Variants in GRID2 observed in about 807,000 individuals in gnomAD.
The protein encoded by GRID2 is glutamate ionotropic receptor delta type subunit 2, also known as glutamate receptor ionotropic, delta-2.
A neutral mutation model predicts 114.8 loss-of-function variants in GRID2; 33 were observed. The observed-to-expected ratio is 0.29, with a 90% confidence interval of 0.22 to 0.38. The LOEUF (loss-of-function observed/expected upper bound fraction) is 0.38. Ranked by LOEUF, GRID2 falls within the 10% of genes least tolerant of loss-of-function variation. The pLI is 1.00. For missense variants in GRID2, 1,184 were observed against 1,257.7 expected (o/e 0.94, Z 0.89); for synonymous variants, 505 against 449.9 (o/e 1.12, Z -1.55).
chr4:93,269,302 A>G (rs1022319203), intron 8 of GRID2, among the ~76,000 whole-genome samples: 1 of 152,190 alleles, frequency 6.6e-6, no homozygotes, highest in East Asian at 1.9e-4. Context: ...AGGCATTTTT[A>G]AAAAAAGTTT....
At chr4:92,524,407 C>CTTTTTTTTTTTTTTT (rs869060153) in intron 1 of GRID2, among the ~76,000 whole-genome samples, 23 of 106,550 alleles carry the variant, frequency 2.2e-4, no homozygotes, top group African/African-American at 4.7e-4. Context: ...ATTTCCTTGT[C>CTTTTTTTTTTTTTTT]TTTTTTTTTT....
chr4:92,530,286 G>A (rs1283958953), intron 1 of GRID2, among the ~76,000 whole-genome samples: 1 of 151,892 alleles, frequency 6.6e-6, no homozygotes, highest in African/African-American at 2.4e-5. Context: ...GCAGGTATCA[G>A]GCTGATATTA....
intron 2 of GRID2, among the ~76,000 whole-genome samples, chr4:93,058,811 G>C (rs1007650261): frequency 6.6e-6 from 1 of 151,116 alleles, no homozygotes; most frequent in Non-Finnish European, 1.5e-5. Flanking sequence ...TCTTTCATTT[G>C]GCTCATTCCA....
intron 2 of GRID2, among the ~76,000 whole-genome samples, chr4:92,943,942 G>T (rs377248631): frequency 6.6e-6 from 1 of 152,170 alleles, no homozygotes; most frequent in Non-Finnish European, 1.5e-5. Context: ...TGTTCCTCTG[G>T]AAGTTTTGTC....
At chr4:92,900,634 T>A (rs1319117642) in intron 2 of GRID2, among the ~76,000 whole-genome samples, 1 of 151,940 alleles carries the variant, frequency 6.6e-6, no homozygotes, top group East Asian at 1.9e-4. Flanking sequence ...ATCGAGACCA[T>A]CCTGGCTAAC....
chr4:92,904,408 T>C (rs1747804616), intron 2 of GRID2, among the ~76,000 whole-genome samples: 1 of 151,634 alleles, frequency 6.6e-6, no homozygotes, highest in Non-Finnish European at 1.5e-5. Flanking sequence ...GCACTCACAG[T>C]TATTACTGAT....
chr4:92,756,371 C>T (rs1351442156), intron 2 of GRID2, among the ~76,000 whole-genome samples: 1 of 152,098 alleles, frequency 6.6e-6, no homozygotes, highest in African/African-American at 2.4e-5. Flanking sequence ...GATTTCACAT[C>T]TTTGCTATTG....
At chr4:93,343,142 CTGTG>C (rs150132437) in intron 8 of GRID2, among the ~76,000 whole-genome samples, 1,894 of 40,162 alleles carry the variant, frequency 0.047, 33 homozygotes, top group African/African-American at 0.11. Context: ...TGTGAGGTGA[CTGTG>C]TGTGTGTGTG....
At chr4:92,900,230 G>A (rs547175394) in intron 2 of GRID2, among the ~76,000 whole-genome samples, 10 of 152,256 alleles carry the variant, frequency 6.6e-5, no homozygotes, top group Non-Finnish European at 1.5e-4. Flanking sequence ...CACATTGCAG[G>A]AAGCTAGGGG....
chr4:92,344,071 T>A (rs2110168545), intron 1 of GRID2, among the ~76,000 whole-genome samples: 1 of 152,238 alleles, frequency 6.6e-6, no homozygotes, highest in Non-Finnish European at 1.5e-5. Context: ...TATAAGAAAA[T>A]CTGCATATAA....
chr4:92,920,163 C>T (rs1322565450), intron 2 of GRID2, among the ~76,000 whole-genome samples: 2 of 152,014 alleles, frequency 1.3e-5, no homozygotes, highest in Non-Finnish European at 1.5e-5. Flanking sequence ...GAGACTAGGA[C>T]TGCAACCCTT....
chr4:93,561,617 A>G (rs755398671), intron 13 of GRID2, among the ~76,000 whole-genome samples: 1 of 152,170 alleles, frequency 6.6e-6, no homozygotes, highest in South Asian at 2.1e-4. Flanking sequence ...AATATATGAC[A>G]TGTATCCACT....
intron 8 of GRID2, among the ~76,000 whole-genome samples, chr4:93,304,375 C>G (rs1292202127): frequency 6.6e-6 from 1 of 151,334 alleles, no homozygotes; most frequent in East Asian, 1.9e-4. Flanking sequence ...AGTTAAAACA[C>G]TAGTCAAACA....
chr4:92,938,981 G>A (rs113550511), intron 2 of GRID2, among the ~76,000 whole-genome samples: 2 of 146,864 alleles, frequency 1.4e-5, no homozygotes, highest in Middle Eastern at 6.6e-3. Flanking sequence ...ACATTTGGGT[G>A]GGTTCCAAGT....
downstream of GRID2, among the ~76,000 whole-genome samples, chr4:93,778,617 T>C (rs967767282): frequency 4.6e-5 from 7 of 152,062 alleles, no homozygotes; most frequent in African/African-American, 1.7e-4. Context: ...AGGCTGGTCT[T>C]GAACCCCGGA....
chr4:92,969,175 A>G (rs972538380), intron 2 of GRID2, among the ~76,000 whole-genome samples: 7 of 151,524 alleles, frequency 4.6e-5, no homozygotes, highest in African/African-American at 1.7e-4. Flanking sequence ...AAGTCAAATT[A>G]TTTTTGAATT....
chr4:93,204,359 A>G (rs1322039390), intron 4 of GRID2, among the ~76,000 whole-genome samples: 2 of 152,190 alleles, frequency 1.3e-5, no homozygotes, highest in Non-Finnish European at 2.9e-5. Flanking sequence ...ACAGATACTT[A>G]GTACTTGCCT....
intron 2 of GRID2, among the ~76,000 whole-genome samples, chr4:92,868,400 C>G (rs1185398413): frequency 6.6e-6 from 1 of 152,102 alleles, no homozygotes; most frequent in South Asian, 2.1e-4. Flanking sequence ...CTACCAGACG[C>G]AGCTACCAGA....
intron 13 of GRID2, among the ~76,000 whole-genome samples, chr4:93,590,738 C>A (rs891690723): frequency 6.6e-6 from 1 of 151,950 alleles, no homozygotes; most frequent in Non-Finnish European, 1.5e-5. Flanking sequence ...CCGTGAGCAG[C>A]GGTTTGTAGT....
Sources: gnomAD v4.1 joint callset for allele counts (sites outside exome capture counted in the v4.1 genomes callset) on GRCh38, gnomAD v4.1.1 for gene constraint, MANE v1.5 for transcripts, NCBI Gene and HGNC (gene_info 2026-07-23, HGNC 2026-07-21) for gene names.